ATP9B: variants seen among roughly 807,000 people sequenced by gnomAD.
The protein encoded by ATP9B is probable phospholipid-transporting ATPase IIB.
A neutral mutation model predicts 146.1 loss-of-function variants in ATP9B; 110 were observed. The ratio of observed to expected loss-of-function variants is 0.75; its 90% CI spans 0.65 to 0.88. The LOEUF (loss-of-function observed/expected upper bound fraction) is 0.88. Ranked by LOEUF, ATP9B falls within the 40% of genes least tolerant of loss-of-function variation. ATP9B has a pLI of 0.00. For synonymous variants in ATP9B, 604 were observed against 569.7 expected (o/e 1.06, Z -0.86); for missense variants, 1,499 against 1,496.4 (o/e 1.00, Z -0.03).
At chr18:79,369,464 C>T (rs902324482) in intron 26 of ATP9B, among the ~76,000 whole-genome samples, 4 of 141,636 alleles carry the variant, frequency 2.8e-5, no homozygotes, top group Admixed American at 1.5e-4. Context: ...ACCCGGGAGG[C>T]GAAGCCTGCA....
rs565063815 is a variant in ATP9B, at chr18:79,138,329, T to A, written c.668-5473T>A. Among the ~76,000 whole-genome samples the A allele has an allele frequency of 5.9e-5, 9 of 152,314 alleles. 1 individual carries two copies. The South Asian group carries it at 1.9e-3, about 32-fold the overall frequency. ...CTAATATGCTCAAGTGACACAGTTT[T>A]ACATGAGAAAGCTCCAGCCTGGACC... On this transcript the variant is annotated intron_variant, in intron 5 of 29. Coordinates refer to ENST00000426216, the MANE Select transcript of ATP9B (RefSeq NM_198531.5).
At chr18:79,189,386 C>T (rs2095340837) in intron 8 of ATP9B, among the ~76,000 whole-genome samples, 2 of 151,978 alleles carry the variant, frequency 1.3e-5, no homozygotes, top group African/African-American at 4.8e-5. Context: ...ACCTGTTTCC[C>T]CCACCCACCC....
intron 2 of ATP9B, among the ~76,000 whole-genome samples, 183 bp downstream of exon 2, chr18:79,096,832 C>T (rs1217866150): frequency 6.6e-6 from 1 of 151,928 alleles, no homozygotes; most frequent in African/African-American, 2.4e-5. Flanking sequence ...AAAGGAAAGC[C>T]AAATTATTAT....
intron 8 of ATP9B, among the ~76,000 whole-genome samples, chr18:79,190,866 G>T (rs2095359369): frequency 1.3e-5 from 2 of 151,926 alleles, no homozygotes; most frequent in Admixed American, 6.6e-5. Flanking sequence ...ATATTTTAAA[G>T]GAATTAAGAT....
chr18:79,109,710 T>A (rs1204229694), intron 2 of ATP9B, among the ~76,000 whole-genome samples: 1 of 151,908 alleles, frequency 6.6e-6, no homozygotes, highest in African/African-American at 2.4e-5. Flanking sequence ...GGATTACAGG[T>A]GCCTGCCACC....
At chr18:79,098,118 G>A (rs957769543) in intron 2 of ATP9B, among the ~76,000 whole-genome samples, 6 of 151,518 alleles carry the variant, frequency 4.0e-5, no homozygotes, top group African/African-American at 1.5e-4. Context: ...TGACAAACCT[G>A]AGAAAAACAA....
chr18:79,226,996 T>C (rs543797876), intron 11 of ATP9B, among the ~76,000 whole-genome samples: 1 of 152,280 alleles, frequency 6.6e-6, no homozygotes, highest in South Asian at 2.1e-4. Context: ...GAACACCTGC[T>C]GTGTGTCGGG....
At chr18:79,299,916 G>C (rs1007504524) in intron 13 of ATP9B, 1 of 152,300 alleles carries the variant, frequency 6.6e-6, no homozygotes, top group African/African-American at 2.4e-5. Flanking sequence ...GGAGCCCTGT[G>C]CTGTGCCACG....
chr18:79,077,979 C>G (rs1568368993), intron 1 of ATP9B: 1 of 152,174 alleles, frequency 6.6e-6, no homozygotes, highest in Non-Finnish European at 1.5e-5. Flanking sequence ...GAAACTTTAA[C>G]AGGAACGAGC....
chr18:79,106,797 G>C (rs2075678901), intron 2 of ATP9B, among the ~76,000 whole-genome samples: 1 of 152,162 alleles, frequency 6.6e-6, no homozygotes, highest in African/African-American at 2.4e-5. Context: ...GAGTGAGAGT[G>C]ATGTCAGTGA....
intron 9 of ATP9B, among the ~76,000 whole-genome samples, chr18:79,201,004 C>T (rs953281199): frequency 6.6e-6 from 1 of 152,188 alleles, no homozygotes; most frequent in Admixed American, 6.5e-5. Context: ...AATGGCTTCA[C>T]CCCATGAGGC....
intron 5 of ATP9B, among the ~76,000 whole-genome samples, chr18:79,139,430 G>A (rs754925405): frequency 3.7e-4 from 56 of 152,294 alleles, no homozygotes; most frequent in Admixed American, 2.7e-3. Flanking sequence ...CTTGTGCTGC[G>A]GTGGCACGTC....
At chr18:79,348,663 G>A (rs1022068445) in intron 25 of ATP9B, among the ~76,000 whole-genome samples, 1 of 152,260 alleles carries the variant, frequency 6.6e-6, no homozygotes, top group African/African-American at 2.4e-5. Context: ...GGGCAGGAAT[G>A]GAATCTCATT....
chr18:79,234,023 G>T (rs2095816366), intron 11 of ATP9B, among the ~76,000 whole-genome samples: 1 of 152,132 alleles, frequency 6.6e-6, no homozygotes, highest in Admixed American at 6.5e-5. Flanking sequence ...GATTGGTCTT[G>T]CTCCCTCCTT....
intron 11 of ATP9B, among the ~76,000 whole-genome samples, chr18:79,214,353 A>G (rs1326838650): frequency 3.3e-5 from 5 of 152,182 alleles, no homozygotes; most frequent in Non-Finnish European, 7.4e-5. Flanking sequence ...TACTTATTTT[A>G]CAATTTGCAC....
chr18:79,172,929 C>T (rs1028621963), intron 7 of ATP9B, among the ~76,000 whole-genome samples: 1 of 152,130 alleles, frequency 6.6e-6, no homozygotes. Flanking sequence ...TATGGTCATT[C>T]TATGCTTATT....
At chr18:79,155,647 A>G (rs567706057) in intron 7 of ATP9B, among the ~76,000 whole-genome samples, 2 of 152,106 alleles carry the variant, frequency 1.3e-5, no homozygotes, top group Admixed American at 1.3e-4. Flanking sequence ...TGAAAACTGT[A>G]GAAAGGACTG....
intron 7 of ATP9B, among the ~76,000 whole-genome samples, chr18:79,168,148 C>G (rs1451317859): frequency 6.6e-6 from 1 of 152,194 alleles, no homozygotes; most frequent in African/African-American, 2.4e-5. Flanking sequence ...GCTGCCATCA[C>G]ATTGACCAGA....
rs752368624 is a variant in ATP9B, at chr18:79,344,364, G to C, written c.2472+10G>C. 5.6e-6 allele frequency: 9 copies of C among 1,612,604 alleles called. No individual in the cohort carries two copies. The highest frequency in any genetic ancestry group is 6.8e-6 in the Non-Finnish European group (8 of 1,178,802). ...TGGGGACTCTCTGGAGGTAAGGCTG[G>C]ACCCTGAGTGAGTACATGTCTGTCT... is the stretch of plus-strand genomic sequence containing the variant. On this transcript the variant is annotated intron_variant, in intron 21 of 29. Transcript: ENST00000426216.
Sources: allele counts gnomAD v4.1 joint callset (sites outside exome capture counted in the v4.1 genomes callset), GRCh38; gene constraint gnomAD v4.1.1; transcripts MANE v1.5; gene names NCBI Gene and HGNC (gene_info 2026-07-23, HGNC 2026-07-21).